PAX5: variants seen among roughly 807,000 people sequenced by gnomAD.
PAX5 encodes the protein paired box protein Pax-5.
Under a neutral mutation model 43.7 loss-of-function variants are expected in PAX5, and 9 were observed. That is an observed-to-expected ratio of 0.21 (90% CI 0.12 to 0.36). PAX5 has a LOEUF of 0.36. Among genes scored for constraint, PAX5 ranks in the 10% least tolerant of loss-of-function variants. PAX5 has a pLI of 1.00. For missense variants in PAX5, 383 were observed against 532.7 expected, an observed-to-expected ratio of 0.72 and a Z score of 2.77; for synonymous variants, 228 against 214.3, an observed-to-expected ratio of 1.06 and a Z score of -0.56.
chr9:36,896,947 A>G (rs1196374498), intron 7 of PAX5, among the ~76,000 whole-genome samples: 5 of 152,206 alleles, frequency 3.3e-5, no homozygotes, highest in African/African-American at 1.2e-4. Flanking sequence ...AAGCTCTCAC[A>G]TGTAGCAAAG....
At chr9:37,013,214 G>A (rs1421031574) in intron 3 of PAX5, among the ~76,000 whole-genome samples, 1 of 152,130 alleles carries the variant, frequency 6.6e-6, no homozygotes. Flanking sequence ...CCAGACCCAT[G>A]GTCCTGGCAG....
intron 8 of PAX5, among the ~76,000 whole-genome samples, chr9:36,859,746 C>A (rs751501178): frequency 8.5e-5 from 13 of 152,198 alleles, no homozygotes; most frequent in Non-Finnish European, 1.6e-4. Context: ...CATTAAGAAT[C>A]ATCTGGGGCT....
At chr9:36,892,218 G>GT (rs1488231725) in intron 7 of PAX5, among the ~76,000 whole-genome samples, 3 of 152,246 alleles carry the variant, frequency 2.0e-5, no homozygotes, top group Admixed American at 2.0e-4. Context: ...GAGGAAGGCA[G>GT]TATTTATGGC....
chr9:37,014,958 C>G (rs1361013552), intron 3 of PAX5, 39 bp downstream of exon 3: 2 of 1,581,984 alleles, frequency 1.3e-6, no homozygotes, highest in South Asian at 1.1e-5. Flanking sequence ...CCCTGCCATC[C>G]CTCCAAATCC....
chr9:37,012,711 T>G (rs941303933), intron 3 of PAX5, among the ~76,000 whole-genome samples: 2 of 152,180 alleles, frequency 1.3e-5, no homozygotes, highest in Non-Finnish European at 2.9e-5. Context: ...ATAAATTTAT[T>G]TTATAAGGCA....
intron 5 of PAX5, among the ~76,000 whole-genome samples, chr9:36,994,733 T>C (rs1837243955): frequency 6.6e-6 from 1 of 152,192 alleles, no homozygotes; most frequent in Non-Finnish European, 1.5e-5. Flanking sequence ...CCTTGTGGGT[T>C]GCCAGGCTGC....
rs1395653992 is a variant in PAX5, at chr9:36,949,214, C to T, written c.780+17335G>A. 1.2e-4 allele frequency among the ~76,000 whole-genome samples: 17 copies of T among 144,628 alleles called. No homozygotes were observed. The Admixed American group carries it at 1.2e-3, about 10-fold the overall frequency. The allele number at this position is 144,628 out of a possible 152,430, so 94.9% of individuals were successfully genotyped here. A position where few individuals can be genotyped will look rare whatever the true frequency, so the allele number is the denominator to read the frequency against. ...CAGCTGGGACCACAGGGGCCCGCCA[C>T]CACGCCTGGCTAATTTTTTGTATTT... On this transcript the variant is annotated intron_variant, in intron 6 of 9. Coordinates refer to ENST00000358127, the MANE Select transcript of PAX5 (RefSeq NM_016734.3).
chr9:36,896,434 C>T (rs1827873467), intron 7 of PAX5, among the ~76,000 whole-genome samples: 1 of 152,000 alleles, frequency 6.6e-6, no homozygotes, highest in South Asian at 2.1e-4. Context: ...TGAGCAGGTG[C>T]ACTGCTCGCC....
chr9:36,930,944 A>G, intron 6 of PAX5: 1 of 816,812 alleles, frequency 1.2e-6, no homozygotes, highest in South Asian at 1.4e-5. Flanking sequence ...ACGGGGCACC[A>G]CTGCCATAGC....
chr9:36,849,132 T>G (rs887285818), intron 8 of PAX5, among the ~76,000 whole-genome samples: 3 of 152,222 alleles, frequency 2.0e-5, no homozygotes, highest in Non-Finnish European at 4.4e-5. Context: ...TACGTGGGCA[T>G]GCTTGGCCCT....
intron 6 of PAX5, among the ~76,000 whole-genome samples, chr9:36,951,526 A>G (rs997873084): frequency 1.3e-5 from 2 of 152,156 alleles, no homozygotes; most frequent in African/African-American, 4.8e-5. Context: ...TGATAATGAG[A>G]TTACTCTATC....
intron 3 of PAX5, among the ~76,000 whole-genome samples, chr9:37,011,209 A>C (rs997584890): frequency 6.6e-6 from 1 of 152,170 alleles, no homozygotes; most frequent in Non-Finnish European, 1.5e-5. Context: ...TTAAGAGCAG[A>C]ACTAACAAAA....
chr9:36,952,227 C>A (rs1969993), intron 6 of PAX5, among the ~76,000 whole-genome samples: 96,357 of 134,454 alleles, frequency 0.72, 35,168 homozygotes, highest in South Asian at 0.83. Flanking sequence ...ATGCTCTGAC[C>A]ATCTCCCTTT....
intron 7 of PAX5, among the ~76,000 whole-genome samples, chr9:36,921,807 C>T (rs956357218): frequency 6.6e-6 from 1 of 152,212 alleles, no homozygotes; most frequent in African/African-American, 2.4e-5. Context: ...CTAACTCCCC[C>T]TTACCCCTTA....
Position 36,840,116 on chromosome 9 carries a change from G to A in PAX5, c.*444C>T, listed in dbSNP as rs1284291811. On this transcript the variant is annotated 3_prime_UTR_variant, in exon 10 of 10. Coordinates refer to ENST00000358127, the MANE Select transcript of PAX5 (RefSeq NM_016734.3). ...CACCAAGAGTGCGAGATGCATCATG[G>A]GTGGAGCAGTCTTCTCAGTCGGACC... is the stretch of plus-strand genomic sequence containing the variant. 2 of 363,844 alleles carry A rather than the reference G, an allele frequency of 5.5e-6. No individual in the cohort carries two copies. The highest frequency in any genetic ancestry group is 1.0e-5 in the Non-Finnish European group (2 of 196,436). 22.5% of individuals were successfully genotyped at this position (363,844 alleles called of 1,614,324 possible).
chr9:37,018,768 G>A (rs1839607789), intron 2 of PAX5, among the ~76,000 whole-genome samples: 1 of 152,084 alleles, frequency 6.6e-6, no homozygotes, highest in Admixed American at 6.6e-5. Context: ...TCAGGCACCG[G>A]AGCGGCGCGT....
At chr9:37,033,516 G>A (rs1841200952) in intron 1 of PAX5, among the ~76,000 whole-genome samples, 1 of 151,906 alleles carries the variant, frequency 6.6e-6, no homozygotes, top group Admixed American at 6.6e-5. Context: ...AACACTCATA[G>A]TAGACACACA....
intron 6 of PAX5, among the ~76,000 whole-genome samples, chr9:36,963,967 G>C (rs1227797297): frequency 1.3e-5 from 2 of 152,180 alleles, no homozygotes; most frequent in African/African-American, 4.8e-5. Flanking sequence ...AAAATTACAT[G>C]ATCTTGTCAG....
intron 5 of PAX5, among the ~76,000 whole-genome samples, chr9:36,993,791 T>C (rs883967): frequency 0.47 from 70,623 of 151,724 alleles, 16,831 homozygotes; most frequent in East Asian, 0.67. Flanking sequence ...TATATCCCCC[T>C]CCATCGGCCC....
Sources: allele counts gnomAD v4.1 joint callset (sites outside exome capture counted in the v4.1 genomes callset), GRCh38; gene constraint gnomAD v4.1.1; transcripts MANE v1.5; gene names NCBI Gene and HGNC (gene_info 2026-07-23, HGNC 2026-07-21).